The following PRTG variants were observed in gnomAD, a reference collection of about 807,000 sequenced individuals.
The protein encoded by PRTG is immunoglobulin superfamily, DCC subclass, member 5.
A neutral mutation model predicts 122.5 loss-of-function variants in PRTG; 67 were observed. The ratio of observed to expected loss-of-function variants is 0.55; its 90% confidence interval spans 0.45 to 0.67. PRTG has a LOEUF of 0.67. Among genes scored for constraint, PRTG ranks in the 30% least tolerant of loss-of-function variants. The probability of loss-of-function intolerance (pLI) is 0.00; values close to 1 mark genes in which losing one functional copy is unlikely to be tolerated. For missense variants in PRTG, 1,435 were observed against 1,415.4 expected (o/e 1.01, Z -0.22); for synonymous variants, 554 against 501.1 (o/e 1.11, Z -1.41).
intron 2 of PRTG, among the ~76,000 whole-genome samples, chr15:55,684,266 T>C (rs898958367): frequency 6.6e-6 from 1 of 152,208 alleles, no homozygotes; most frequent in African/African-American, 2.4e-5. Flanking sequence ...AATACTATTG[T>C]ATATCAGAGG....
chr15:55,629,888 G>T (rs902775061), intron 15 of PRTG, among the ~76,000 whole-genome samples: 60 of 150,372 alleles, frequency 4.0e-4, no homozygotes, highest in Non-Finnish European at 1.3e-4. Flanking sequence ...CATGATCATG[G>T]CTCACTATAA....
intron 11 of PRTG, among the ~76,000 whole-genome samples, chr15:55,644,583 T>C (rs1347571302): frequency 6.6e-6 from 1 of 152,118 alleles, no homozygotes; most frequent in Admixed American, 6.5e-5. Flanking sequence ...AGAACCGAGT[T>C]GCTCCTTTAA....
chr15:55,639,137 G>A (rs987198644), intron 13 of PRTG, among the ~76,000 whole-genome samples: 3 of 152,110 alleles, frequency 2.0e-5, no homozygotes, highest in African/African-American at 7.2e-5. Flanking sequence ...ATACCTGGCT[G>A]ATATAAAAAA....
intron 15 of PRTG, among the ~76,000 whole-genome samples, chr15:55,632,978 A>C (rs572563558): frequency 2.0e-5 from 3 of 152,190 alleles, no homozygotes; most frequent in Non-Finnish European, 2.9e-5. Context: ...TGTTGAGTTA[A>C]ATGGATTCCT....
At chr15:55,638,256 TA>T (rs2059268989) in intron 14 of PRTG, among the ~76,000 whole-genome samples, 1 of 152,162 alleles carries the variant, frequency 6.6e-6, no homozygotes, top group African/African-American at 2.4e-5. Flanking sequence ...TACCGCCATT[TA>T]AAATTTTTTG....
chr15:55,738,672 A>G (rs2031511824), intron 2 of PRTG: 3 of 436,624 alleles, frequency 6.9e-6, no homozygotes, highest in Admixed American at 4.1e-5. Flanking sequence ...ATACAGAAAA[A>G]CCATTACTCC....
chr15:55,641,073 G>C (rs747135460), intron 12 of PRTG, 40 bp downstream of exon 12: 17 of 1,356,890 alleles, frequency 1.3e-5, no homozygotes, highest in Non-Finnish European at 1.8e-5. Flanking sequence ...AAAGAACGGT[G>C]TGAGCCATAG....
intron 3 of PRTG, among the ~76,000 whole-genome samples, chr15:55,683,019 C>T (rs1429082965): frequency 6.6e-6 from 1 of 152,124 alleles, no homozygotes; most frequent in Admixed American, 6.5e-5. Context: ...AACAATCCAG[C>T]ATGATATGGT....
chr15:55,704,737 C>G (rs890557623), intron 2 of PRTG, among the ~76,000 whole-genome samples: 9 of 152,304 alleles, frequency 5.9e-5, no homozygotes, highest in Non-Finnish European at 1.0e-4. Context: ...TTATGACATT[C>G]AGTCACAAAC....
chr15:55,738,438 C>A, intron 2 of PRTG: 3 of 699,546 alleles, frequency 4.3e-6, no homozygotes, highest in South Asian at 3.0e-5. Context: ...AATGTGTGGT[C>A]ATGACAAATG....
chr15:55,623,314 T>C (rs1042707168), intron 18 of PRTG, among the ~76,000 whole-genome samples: 1 of 152,112 alleles, frequency 6.6e-6, no homozygotes, highest in African/African-American at 2.4e-5. Context: ...ACACCTGTAA[T>C]CCCAGCACTT....
chr15:55,740,734 A>G, intron 1 of PRTG, 50 bp from the exon 2 acceptor site: 1 of 1,477,116 alleles, frequency 6.8e-7, no homozygotes, highest in Non-Finnish European at 9.2e-7. Context: ...CAGGCATAAA[A>G]TGATTCCTTA....
rs545595289 is a variant in PRTG at position 55,665,799 on chromosome 15, C to T, written c.2041+6646G>A. ...CAAACTCCTGACTTCAAGTGATCCA[C>T]CCACATCGGCCTCCCAGAGTGCTGG... is the stretch of plus-strand genomic sequence containing the variant. On this transcript the variant is annotated intron_variant, in intron 11 of 19. Transcript: ENST00000389286. Among the ~76,000 whole-genome samples, 7 of 152,200 alleles carry T rather than the reference C, an allele frequency of 4.6e-5. No individual in the cohort carries two copies. The East Asian group carries it at 1.4e-3, about 29-fold the overall frequency.
At chr15:55,721,028 A>G (rs1161724698) in intron 2 of PRTG, among the ~76,000 whole-genome samples, 1 of 151,948 alleles carries the variant, frequency 6.6e-6, no homozygotes, top group Admixed American at 6.6e-5. Context: ...TGTTCCCTAC[A>G]TTTGCTTCTC....
intron 15 of PRTG, among the ~76,000 whole-genome samples, chr15:55,636,131 A>G (rs754974691): frequency 1.3e-5 from 2 of 151,990 alleles, no homozygotes; most frequent in Non-Finnish European, 2.9e-5. Flanking sequence ...AAAATGCAAG[A>G]TTTAGAAAAG....
intron 12 of PRTG, 137 bp from the exon 13 acceptor site, chr15:55,639,965 A>G (rs1303452156): frequency 1.4e-5 from 20 of 1,458,466 alleles, no homozygotes; most frequent in African/African-American, 2.8e-5. Flanking sequence ...ATAGTGATCT[A>G]GAGATGTATC....
chr15:55,654,356 T>A (rs1471063686), intron 11 of PRTG, among the ~76,000 whole-genome samples: 1 of 152,196 alleles, frequency 6.6e-6, no homozygotes, highest in Admixed American at 6.5e-5. Context: ...TAAGGCTATG[T>A]CCACATATAC....
chr15:55,620,599 C>A, intron 19 of PRTG, 64 bp downstream of exon 19: 2 of 1,529,890 alleles, frequency 1.3e-6, no homozygotes, highest in Non-Finnish European at 1.7e-6. Flanking sequence ...ACATTTTCCT[C>A]TTTTTAAATC....
At chr15:55,724,759 A>G (rs1462343918) in intron 2 of PRTG, among the ~76,000 whole-genome samples, 1 of 148,184 alleles carries the variant, frequency 6.7e-6, no homozygotes, top group Admixed American at 6.6e-5. Context: ...CACAGTCTCA[A>G]AAAAAATGAA....
Sources: gnomAD v4.1 joint callset for allele counts (sites outside exome capture counted in the v4.1 genomes callset) on GRCh38, gnomAD v4.1.1 for gene constraint, MANE v1.5 for transcripts, NCBI Gene and HGNC (gene_info 2026-07-23, HGNC 2026-07-21) for gene names.